SHLD2: variants seen among roughly 807,000 people sequenced by gnomAD.
The protein encoded by SHLD2 is shieldin complex subunit 2, also known as RINN1-REV7-interacting novel NHEJ regulator 2.
In SHLD2, 30 loss-of-function variants were observed where a neutral mutation model predicts 73.2. That is an observed-to-expected ratio of 0.41 (90% CI 0.31 to 0.56). SHLD2 has a LOEUF of 0.56. Among genes scored for constraint, SHLD2 ranks in the 20% least tolerant of loss-of-function variants. The pLI is 0.28. For synonymous variants in SHLD2, 285 were observed against 370.1 expected, an observed-to-expected ratio of 0.77 and a Z score of 2.64; for missense variants, 745 against 1,055.9, an observed-to-expected ratio of 0.71 and a Z score of 4.08.
At chr10:87,095,695 C>A (rs765628239) in intron 1 of SHLD2, among the ~76,000 whole-genome samples, 7 of 152,256 alleles carry the variant, frequency 4.6e-5, no homozygotes, top group Non-Finnish European at 1.0e-4. Flanking sequence ...CGTTCAACTG[C>A]TCCGCAGTGT....
intron 2 of SHLD2, among the ~76,000 whole-genome samples, chr10:87,121,762 C>CTTTT (rs571649405): frequency 7.6e-5 from 10 of 130,994 alleles, no homozygotes; most frequent in Non-Finnish European, 9.7e-5. Context: ...TTCTTTCTTT[C>CTTTT]TTTTTTTTTT....
chr10:87,138,134 C>A (rs1255512203), intron 2 of SHLD2, among the ~76,000 whole-genome samples: 1 of 152,010 alleles, frequency 6.6e-6, no homozygotes, highest in South Asian at 2.1e-4. Flanking sequence ...CGCGTCTCTA[C>A]TAAAAATACA....
intron 2 of SHLD2, among the ~76,000 whole-genome samples, chr10:87,116,221 ACATTCT>A (rs1843248506): frequency 6.6e-6 from 1 of 151,856 alleles, no homozygotes; most frequent in Non-Finnish European, 1.5e-5. Context: ...GTAAGTGCAA[ACATTCT>A]TTTCAGAAAG....
intron 9 of SHLD2, among the ~76,000 whole-genome samples, 195 bp from the exon 10 acceptor site, chr10:87,190,289 C>T (rs1178158627): frequency 6.6e-6 from 1 of 152,220 alleles, no homozygotes; most frequent in Non-Finnish European, 1.5e-5. Context: ...GCACTCCTGA[C>T]CTCAAGTAAT....
intron 6 of SHLD2, among the ~76,000 whole-genome samples, chr10:87,173,083 G>C (rs1464946960): frequency 6.7e-6 from 1 of 148,202 alleles, no homozygotes; most frequent in African/African-American, 2.6e-5. Flanking sequence ...TTGTCACCCA[G>C]GCTGGAATGT....
chr10:87,135,146 AT>A (rs977341842), intron 2 of SHLD2, among the ~76,000 whole-genome samples: 17 of 149,016 alleles, frequency 1.1e-4, no homozygotes, highest in East Asian at 2.0e-4. Context: ...TATTTAATTT[AT>A]TTTTTTTTTA....
intron 6 of SHLD2, among the ~76,000 whole-genome samples, chr10:87,173,038 C>CTT (rs77853653): frequency 1.3e-4 from 17 of 134,786 alleles, no homozygotes; most frequent in South Asian, 7.0e-4. Flanking sequence ...GCATAAGGCA[C>CTT]TTTTTTTTTT....
intron 2 of SHLD2, among the ~76,000 whole-genome samples, chr10:87,121,388 G>A (rs1843607145): frequency 6.6e-6 from 1 of 152,152 alleles, no homozygotes; most frequent in Non-Finnish European, 1.5e-5. Flanking sequence ...GCCTCACAGT[G>A]TTGGGATTAC....
intron 2 of SHLD2, among the ~76,000 whole-genome samples, chr10:87,149,463 C>T (rs978618914): frequency 6.6e-6 from 1 of 151,954 alleles, no homozygotes; most frequent in African/African-American, 2.4e-5. Flanking sequence ...TGGCTCACAC[C>T]TGTAATCCCA....
chr10:87,151,725 G>A lies in SHLD2; in HGVS notation c.371G>A (p.Gly124Glu), dbSNP rs757329100. Residue 124 changes from glycine to glutamate, a missense_variant, in exon 3 of 10, where the codon GGA becomes GAA. Transcript: ENST00000298786. ...DITSSNMQIC[G>E]FKSTVPHFTE... Reference sequence around the variant, plus strand: ...ACTAGCTCTAATATGCAAATATGTGGATTTAAAAGCACAGTTCCGCATTTC... The same window carrying A: ...ACTAGCTCTAATATGCAAATATGTGAATTTAAAAGCACAGTTCCGCATTTC... 2 of 1,611,804 alleles carry A rather than the reference G, an allele frequency of 1.2e-6. No individual in the cohort carries two copies. Among genetic ancestry groups the A allele is most frequent in the Non-Finnish European group, 1.7e-6 (2 of 1,179,836 alleles).
intron 2 of SHLD2, 108 bp downstream of exon 2, chr10:87,097,097 C>T (rs1449280679): frequency 2.0e-5 from 3 of 152,176 alleles, no homozygotes; most frequent in Non-Finnish European, 4.4e-5. Context: ...TGATTAGCAT[C>T]AGTAAACATG....
intron 2 of SHLD2, among the ~76,000 whole-genome samples, chr10:87,120,726 A>G (rs1472375417): frequency 6.6e-6 from 1 of 152,168 alleles, no homozygotes; most frequent in Non-Finnish European, 1.5e-5. Context: ...ATGTTTGCGA[A>G]GTAAACTGAA....
At position 87,190,357 on chromosome 10, in the gene SHLD2, A is replaced by T. The variant is rs552520311; in HGVS notation, c.2516-127A>T. 14 of 840,666 alleles carry T rather than the reference A, an allele frequency of 1.7e-5. No homozygotes were observed. In the East Asian group the frequency reaches 3.4e-4, roughly 21 times the overall value. The allele number at this position is 840,666 out of a possible 1,614,324, so 52.1% of individuals were successfully genotyped here. On this transcript the variant is annotated intron_variant, in intron 9 of 9. Coordinates refer to ENST00000298786, the MANE Select transcript of SHLD2 (RefSeq NM_001330112.2). ...TACAGGTGTGAGCCACCGCTACTGG[A>T]CGGGAGGAGAAATTTAAAATGGGTT...
chr10:87,173,705 T>C (rs1450139364), intron 6 of SHLD2, among the ~76,000 whole-genome samples: 4 of 151,014 alleles, frequency 2.6e-5, no homozygotes, highest in African/African-American at 4.9e-5. Flanking sequence ...AAAACTATTA[T>C]ACATAAAAAC....
chr10:87,186,177 T>G (rs930135285), intron 8 of SHLD2, among the ~76,000 whole-genome samples: 2 of 150,738 alleles, frequency 1.3e-5, no homozygotes, highest in Non-Finnish European at 3.0e-5. Flanking sequence ...GAGTGTAGAG[T>G]GAAAAGAGGA....
chr10:87,111,557 CTT>C (rs1842921810), intron 2 of SHLD2, among the ~76,000 whole-genome samples: 1 of 148,348 alleles, frequency 6.7e-6, no homozygotes, highest in Non-Finnish European at 1.5e-5. Context: ...ACGAGAATCT[CTT>C]GAGTCCGGGA....
rs558028990 is a variant in SHLD2, at chr10:87,148,792, G to C, written c.-5-2558G>C. Among the ~76,000 whole-genome samples the C allele has an allele frequency of 4.6e-5, 7 of 151,854 alleles. No individual in the cohort carries two copies. The South Asian group carries it at 1.2e-3, about 27-fold the overall frequency. On this transcript the variant is annotated intron_variant, in intron 2 of 9. Transcript: ENST00000298786. ...TGAAACTAAAGGGAAGAAACCATTG[G>C]AGAAGAAAGCCAAAGATCTGACGGA... is the stretch of plus-strand genomic sequence containing the variant.
intron 2 of SHLD2, among the ~76,000 whole-genome samples, chr10:87,101,428 A>C (rs1842258224): frequency 6.6e-6 from 1 of 152,110 alleles, no homozygotes; most frequent in African/African-American, 2.4e-5. Context: ...TTGTAAGTAG[A>C]AATATTTATT....
intron 4 of SHLD2, among the ~76,000 whole-genome samples, chr10:87,160,493 T>C (rs1846726454): frequency 6.6e-6 from 1 of 152,102 alleles, no homozygotes; most frequent in Non-Finnish European, 1.5e-5. Context: ...TTTTTTTTCT[T>C]AAATAAATAT....
Sources: gnomAD v4.1 joint callset for allele counts (sites outside exome capture counted in the v4.1 genomes callset) on GRCh38, gnomAD v4.1.1 for gene constraint, MANE v1.5 for transcripts, NCBI Gene and HGNC (gene_info 2026-07-23, HGNC 2026-07-21) for gene names.